EIF2AK4: variants seen among roughly 807,000 people sequenced by gnomAD.
The protein encoded by EIF2AK4 is eukaryotic translation initiation factor 2 alpha kinase 4, also known as eIF-2-alpha kinase GCN2.
In EIF2AK4, 139 loss-of-function variants were observed where a neutral mutation model predicts 211.1. The ratio of observed to expected loss-of-function variants is 0.66; its 90% CI spans 0.57 to 0.76. EIF2AK4 has a LOEUF of 0.76. Among genes scored for constraint, EIF2AK4 ranks in the 30% least tolerant of loss-of-function variants. The pLI is 0.00. For synonymous variants in EIF2AK4, 710 were observed against 751.3 expected, an observed-to-expected ratio of 0.94 and a Z score of 0.90; for missense variants, 1,664 against 2,043.8, an observed-to-expected ratio of 0.81 and a Z score of 3.58.
In EIF2AK4 at chr15:39,976,656, G is replaced by A. The variant is rs771016625; in HGVS notation, c.2061G>A (p.Ala687=). The change falls in exon 12 of 39, where the codon GCG becomes GCA. Residue 687 remains alanine, a synonymous_variant. Coordinates refer to ENST00000263791, the MANE Select transcript of EIF2AK4 (RefSeq NM_001013703.4). ...ACCGAGCTGCACGCGGGCAGCCGGC[G>A]AGCGACACAGACGGCCTGGACAGCG... ...KDDRAARGQP[A]SDTDGLDSVE... 12 of 1,603,950 alleles carry A rather than the reference G, an allele frequency of 7.5e-6. No homozygotes were observed. Among genetic ancestry groups the A allele is most frequent in the Middle Eastern group, 1.7e-4 (1 of 6,026 alleles).
intron 11 of EIF2AK4, chr15:39,975,487 T>TG (rs1365428139): frequency 6.6e-6 from 1 of 152,246 alleles, no homozygotes; most frequent in African/African-American, 2.4e-5. Flanking sequence ...CATGGCCACA[T>TG]GGCATTTGCT....
At position 39,978,430 on chromosome 15, in the gene EIF2AK4, A is replaced by G. The variant is rs1158148834; in HGVS notation, c.2319+283A>G. 2.0e-5 allele frequency: 4 copies of G among 196,742 alleles called. No homozygotes were observed. The East Asian group carries it at 4.6e-4, about 22-fold the overall frequency. 12.2% of individuals were successfully genotyped at this position (196,742 alleles called of 1,614,324 possible). A position where few individuals can be genotyped will look rare whatever the true frequency, so the allele number is the denominator to read the frequency against. ...AAACAGTTTTCTAAGGGTTTGGGAA[A>G]CTTTATATGGTTGGGGATAAGAATT... On this transcript the variant is annotated intron_variant, in intron 13 of 38. Coordinates refer to ENST00000263791, the MANE Select transcript of EIF2AK4 (RefSeq NM_001013703.4).
intron 26 of EIF2AK4, 42 bp downstream of exon 26, chr15:40,009,772 G>T: frequency 8.0e-7 from 1 of 1,255,894 alleles, no homozygotes; most frequent in South Asian, 1.3e-5. Context: ...ATAATACCTT[G>T]ATGTTGAAAG....
chr15:40,030,439 A>C lies in EIF2AK4; in HGVS notation c.4642A>C (p.Arg1548=). 6.2e-7 allele frequency: 1 copy of C among 1,613,978 alleles called. No individual in the cohort carries two copies. Among genetic ancestry groups the C allele is most frequent in the Non-Finnish European group, 8.5e-7 (1 of 1,179,974 alleles). ...GGAGAAGCTGTCAGCCAGCACTAGG[A>C]GGCGCTATGAAACTCAGGTACACTG... is the stretch of plus-strand genomic sequence containing the variant. ...APEKLSASTR[R]RYETQVQTRL... The change falls in exon 35 of 39, where the codon AGG becomes CGG. Residue 1548 remains arginine (R), a synonymous_variant. Transcript: ENST00000263791.
At chr15:39,986,786 C>G (rs754616867) in intron 14 of EIF2AK4, among the ~76,000 whole-genome samples, 1 of 152,066 alleles carries the variant, frequency 6.6e-6, no homozygotes, top group African/African-American at 2.4e-5. Context: ...ACCCAGGAAG[C>G]GGAGGTTGCA....
Position 40,011,291 on chromosome 15 carries a change from T to C in EIF2AK4, c.3704T>C (p.Leu1235Pro), listed in dbSNP as rs1370004770. 6.2e-7 allele frequency: 1 copy of C among 1,613,952 alleles called. No homozygotes were observed. The highest frequency in any genetic ancestry group is 8.5e-7 in the Non-Finnish European group (1 of 1,179,886). ...IILYDAVTEK[L>P]TRREVEAKFC... ...TTTCTTCCACGTTAGACAGAGAAGC[T>C]GACGAGGAGAGAAGTGGAAGCTAAA... The change falls in exon 27 of 39, where the codon CTG becomes CCG. Residue 1235 changes from leucine to proline, a missense_variant. Around this residue, in one of 7 missense-constraint regions of EIF2AK4, gnomAD observed 622 missense variants for 796.8 expected, o/e 0.78. Coordinates refer to ENST00000263791, the MANE Select transcript of EIF2AK4 (RefSeq NM_001013703.4).
intron 1 of EIF2AK4, among the ~76,000 whole-genome samples, chr15:39,938,182 T>C (rs931257617): frequency 6.6e-6 from 1 of 152,180 alleles, no homozygotes; most frequent in Admixed American, 6.5e-5. Context: ...GCTGGAACCA[T>C]ATCTGTGTTC....
chr15:39,944,728 C>T (rs948605254), intron 3 of EIF2AK4, among the ~76,000 whole-genome samples: 3 of 152,164 alleles, frequency 2.0e-5, no homozygotes, highest in Non-Finnish European at 4.4e-5. Flanking sequence ...CCACCGCACC[C>T]GGCCAACGAT....
At chr15:40,014,159 G>A (rs1330192371) in intron 27 of EIF2AK4, among the ~76,000 whole-genome samples, 1 of 152,208 alleles carries the variant, frequency 6.6e-6, no homozygotes, top group Non-Finnish European at 1.5e-5. Context: ...TGATGCCAGG[G>A]GTAGGCTCCC....
chr15:40,016,384 C>T (rs530702795), intron 27 of EIF2AK4, 118 bp from the exon 28 acceptor site: 1 of 1,247,482 alleles, frequency 8.0e-7, no homozygotes, highest in African/African-American at 1.5e-5. Context: ...TAATCTTTGA[C>T]CACAAAGATA....
intron 12 of EIF2AK4, chr15:39,977,715 T>C (rs117778159): frequency 0.03 from 4,788 of 160,980 alleles, 114 homozygotes; most frequent in Non-Finnish European, 0.043. Flanking sequence ...CAGTGCCAAC[T>C]GCAGCCCCCA....
At position 40,035,129 on chromosome 15, in the gene EIF2AK4, A is replaced by G; in HGVS notation, c.*45A>G. On this transcript the variant is annotated 3_prime_UTR_variant, in exon 39 of 39. Coordinates refer to ENST00000263791, the MANE Select transcript of EIF2AK4 (RefSeq NM_001013703.4). Reference sequence around the variant, plus strand: ...ACCTCATTCAAACAGACAGAGGCTTATACTGGAATAATGGAATGTTGTACA... The same window carrying G: ...ACCTCATTCAAACAGACAGAGGCTTGTACTGGAATAATGGAATGTTGTACA... 7.5e-7 allele frequency: 1 copy of G among 1,342,248 alleles called. No homozygotes were observed. Among genetic ancestry groups the G allele is most frequent in the Non-Finnish European group, 1.0e-6 (1 of 982,446 alleles). 83.1% of individuals were successfully genotyped at this position (1,342,248 alleles called of 1,614,324 possible).
intron 4 of EIF2AK4, 38 bp from the exon 5 acceptor site, chr15:39,953,866 C>T: frequency 6.3e-7 from 1 of 1,593,230 alleles, no homozygotes; most frequent in Non-Finnish European, 8.6e-7. Context: ...GTATGGGTTT[C>T]AGAGATTGGC....
chr15:39,976,890 T>G (rs747025218), intron 12 of EIF2AK4, 46 bp downstream of exon 12: 2 of 1,417,162 alleles, frequency 1.4e-6, no homozygotes, highest in Non-Finnish European at 1.8e-6. Flanking sequence ...GCCCCCTAGT[T>G]TCCTTTCTTT....
chr15:40,023,903 C>T (rs572814793), intron 32 of EIF2AK4, among the ~76,000 whole-genome samples: 11 of 152,282 alleles, frequency 7.2e-5, no homozygotes, highest in Non-Finnish European at 1.5e-4. Context: ...GGACCAAATT[C>T]AGCCCATAGC....
chr15:39,963,149 T>C (rs565484051), intron 7 of EIF2AK4, among the ~76,000 whole-genome samples: 1 of 152,294 alleles, frequency 6.6e-6, no homozygotes, highest in Non-Finnish European at 1.5e-5. Context: ...GCCTGGACAG[T>C]AAAGGATCCT....
In EIF2AK4 at chr15:40,032,938, C is replaced by G. The variant is rs910083804; in HGVS notation, c.4773+137C>G. On this transcript the variant is annotated intron_variant, in intron 37 of 38. Coordinates refer to ENST00000263791, the MANE Select transcript of EIF2AK4 (RefSeq NM_001013703.4). ...CTGCAGGAATTTAGTAACATTTTTC[C>G]TTTTATGTAACATATATGTTCCTAA... 5 of 655,684 alleles carry G rather than the reference C, an allele frequency of 7.6e-6. No homozygotes were observed. In the African/African-American group the frequency reaches 9.4e-5, roughly 12 times the overall value. The allele number at this position is 655,684 out of a possible 1,614,324, so 40.6% of individuals were successfully genotyped here. A position where few individuals can be genotyped will look rare whatever the true frequency, so the allele number is the denominator to read the frequency against.
intron 27 of EIF2AK4, among the ~76,000 whole-genome samples, chr15:40,015,370 A>G (rs1277966579): frequency 1.3e-5 from 2 of 152,220 alleles, no homozygotes; most frequent in East Asian, 1.9e-4. Context: ...CCTCACAATC[A>G]TGGTGGAAAG....
Position 39,992,207 on chromosome 15 carries a change from C to T in EIF2AK4, c.2664C>T (p.Asp888=), listed in dbSNP as rs752989825. Residue 888 remains aspartate (D), a synonymous_variant, in exon 17 of 39, where the codon GAC becomes GAT. Coordinates refer to ENST00000263791, the MANE Select transcript of EIF2AK4 (RefSeq NM_001013703.4). The part of the protein sequence containing the change: ...ADSKQDDQTG[D]LIKSDPSGHL... ...GCAAACAAGACGATCAGACAGGAGA[C>T]TTGATTAAGTCAGACCCTTCAGGTA... 1.9e-6 allele frequency: 3 copies of T among 1,612,172 alleles called. No homozygotes were observed. The highest frequency in any genetic ancestry group is 2.5e-6 in the Non-Finnish European group (3 of 1,179,072).
Sources: gnomAD v4.1 joint callset for allele counts (sites outside exome capture counted in the v4.1 genomes callset) on GRCh38, gnomAD v4.1.1 for gene constraint, gnomAD v4.1.1 regional missense constraint, MANE v1.5 for transcripts, NCBI Gene and HGNC (gene_info 2026-07-23, HGNC 2026-07-21) for gene names.